KLF12: variants seen among roughly 807,000 people sequenced by gnomAD.
The protein encoded by KLF12 is KLF transcription factor 12.
A neutral mutation model predicts 37.8 loss-of-function variants in KLF12; 9 were observed. The observed-to-expected ratio is 0.24, with a 90% confidence interval of 0.14 to 0.42. The LOEUF is 0.42. KLF12 is among the 10% of genes least tolerant of loss of function. KLF12 has a pLI of 1.00. For missense variants in KLF12, 411 were observed against 516.0 expected (o/e 0.80, Z 1.97); for synonymous variants, 208 against 202.1 (o/e 1.03, Z -0.25).
chr13:73,768,340 A>C (rs1880053374), intron 5 of KLF12, among the ~76,000 whole-genome samples: 1 of 152,230 alleles, frequency 6.6e-6, no homozygotes, highest in Non-Finnish European at 1.5e-5. Flanking sequence ...CTGATTAGAC[A>C]TGAAAGGATG....
intron 1 of KLF12, among the ~76,000 whole-genome samples, chr13:74,087,415 T>C (rs1335547674): frequency 6.6e-6 from 1 of 152,006 alleles, no homozygotes; most frequent in African/African-American, 2.4e-5. Context: ...AGAGGCTCAG[T>C]TTCACTGCAA....
chr13:73,817,427 TA>T (rs139024379), intron 4 of KLF12, among the ~76,000 whole-genome samples: 4,826 of 151,560 alleles, frequency 0.032, 173 homozygotes, highest in African/African-American at 0.095. Flanking sequence ...AGGGCAGCAA[TA>T]AAAAGTTAGT....
At chr13:73,765,786 G>T (rs1043659816) in intron 5 of KLF12, among the ~76,000 whole-genome samples, 2 of 152,048 alleles carry the variant, frequency 1.3e-5, no homozygotes, top group Non-Finnish European at 2.9e-5. Context: ...CCAGCTTCCT[G>T]TTATGGTCTG....
chr13:73,896,376 C>T (rs1887769884), intron 3 of KLF12, among the ~76,000 whole-genome samples: 1 of 151,764 alleles, frequency 6.6e-6, no homozygotes. Flanking sequence ...AGATTTTTTT[C>T]AAAAGCAATG....
At chr13:74,023,617 G>T (rs1170660475) in intron 1 of KLF12, among the ~76,000 whole-genome samples, 1 of 152,106 alleles carries the variant, frequency 6.6e-6, no homozygotes, top group African/African-American at 2.4e-5. Flanking sequence ...GTGACATGGT[G>T]CTCTCCCTAT....
chr13:74,182,936 C>T, the KLF12 span, among the ~76,000 whole-genome samples: 1 of 152,058 alleles, frequency 6.6e-6, no homozygotes, highest in Non-Finnish European at 1.5e-5. Flanking sequence ...CAGTATTTCT[C>T]AAACTGCTGT....
intron 1 of KLF12, among the ~76,000 whole-genome samples, chr13:74,063,407 T>C (rs979928260): frequency 4.0e-5 from 6 of 150,284 alleles, no homozygotes; most frequent in African/African-American, 1.5e-4. Context: ...TATGCTAACC[T>C]TCAAGGACAT....
intron 1 of KLF12, among the ~76,000 whole-genome samples, chr13:74,003,916 A>G (rs1408143950): frequency 6.6e-6 from 1 of 152,152 alleles, no homozygotes; most frequent in East Asian, 1.9e-4. Context: ...CAAAACAAAA[A>G]CTGCCCCACT....
chr13:73,870,825 C>T (rs918689180), intron 3 of KLF12, among the ~76,000 whole-genome samples: 5 of 152,200 alleles, frequency 3.3e-5, no homozygotes, highest in Non-Finnish European at 5.9e-5. Context: ...CTGGACCAGC[C>T]AGGGGCCTTC....
At chr13:74,271,587 C>A in the KLF12 span, among the ~76,000 whole-genome samples, 1 of 152,174 alleles carries the variant, frequency 6.6e-6, no homozygotes, top group Admixed American at 6.6e-5. Flanking sequence ...CAATGATAAA[C>A]ACATCTTCCT....
chr13:73,970,122 C>T (rs756055012), intron 2 of KLF12, among the ~76,000 whole-genome samples: 11 of 152,104 alleles, frequency 7.2e-5, no homozygotes, highest in Non-Finnish European at 8.8e-5. Flanking sequence ...CCATCTTGCA[C>T]AGTTCATGCT....
chr13:73,950,099 C>A (rs574373377), intron 2 of KLF12, among the ~76,000 whole-genome samples: 8 of 152,310 alleles, frequency 5.3e-5, no homozygotes, highest in Middle Eastern at 6.8e-3. Flanking sequence ...TGTAATGCAG[C>A]AATTTTTAAT....
At chr13:73,801,983 G>A (rs912732114) in intron 5 of KLF12, 1 of 152,016 alleles carries the variant, frequency 6.6e-6, no homozygotes, top group African/African-American at 2.4e-5. Context: ...ATGAGGCATG[G>A]CCGTTTAAAC....
Position 73,918,502 on chromosome 13 carries a change from T to G in KLF12, c.123+25479A>C, listed in dbSNP as rs542631591. 3.0e-3 allele frequency among the ~76,000 whole-genome samples: 456 copies of G among 152,182 alleles called. 5 individuals are homozygous for G. Among genetic ancestry groups the G allele is most frequent in the Middle Eastern group, 0.014 (4 of 294 alleles). ...CATCCCCCAGTACTATACAAGATAT[T>G]TTTTTTACACAGAACTATTTTAGGC... On this transcript the variant is annotated intron_variant, in intron 3 of 7. Transcript: ENST00000377669.
At chr13:73,926,434 T>C (rs1357684888) in intron 3 of KLF12, among the ~76,000 whole-genome samples, 2 of 152,176 alleles carry the variant, frequency 1.3e-5, no homozygotes, top group African/African-American at 2.4e-5. Context: ...TTAGATGTAA[T>C]GGTCTTGCAC....
At chr13:73,825,830 C>A (rs1428118747) in intron 4 of KLF12, among the ~76,000 whole-genome samples, 2 of 152,150 alleles carry the variant, frequency 1.3e-5, no homozygotes, top group African/African-American at 4.8e-5. Context: ...ACCTGCTGTC[C>A]CTGAGGCTAG....
intron 3 of KLF12, among the ~76,000 whole-genome samples, chr13:73,862,561 T>C (rs2138813665): frequency 6.6e-6 from 1 of 152,288 alleles, no homozygotes; most frequent in Middle Eastern, 3.4e-3. Flanking sequence ...ATCAATTCTA[T>C]AAAACATTTG....
At chr13:74,010,693 A>T (rs1892529507) in intron 1 of KLF12, among the ~76,000 whole-genome samples, 1 of 152,180 alleles carries the variant, frequency 6.6e-6, no homozygotes, top group Admixed American at 6.5e-5. Flanking sequence ...AGATCTTAGA[A>T]GCTGCTCGTG....
chr13:73,908,401 C>CAAAAA (rs200413877), intron 3 of KLF12, among the ~76,000 whole-genome samples: 5 of 129,324 alleles, frequency 3.9e-5, no homozygotes, highest in Admixed American at 7.6e-5. Context: ...GACTCTGTCT[C>CAAAAA]AAAAAAAAAA....
Sources: gnomAD v4.1 joint callset for allele counts (sites outside exome capture counted in the v4.1 genomes callset) on GRCh38, gnomAD v4.1.1 for gene constraint, MANE v1.5 for transcripts, NCBI Gene and HGNC (gene_info 2026-07-23, HGNC 2026-07-21) for gene names.